Variants in FEM1A observed in about 807,000 individuals in gnomAD.
FEM1A encodes the protein fem-1 homolog A.
Under a neutral mutation model 0.7 loss-of-function variants are expected in FEM1A, and 1 was observed. The ratio of observed to expected loss-of-function variants is 1.35; its 90% CI spans 0.48 to 6.40. The LOEUF is 6.40. FEM1A is among the 30% of genes most tolerant of loss of function. The probability of loss-of-function intolerance (pLI) is 0.14; values close to 1 mark genes in which losing one functional copy is unlikely to be tolerated. For synonymous variants in FEM1A, 391 were observed against 420.6 expected, an observed-to-expected ratio of 0.93 and a Z score of 0.86; for missense variants, 721 against 918.7, an observed-to-expected ratio of 0.78 and a Z score of 2.78.
Position 4,795,403 on chromosome 19 carries a change from G to A in FEM1A, c.*1539G>A, listed in dbSNP as rs2093560050. 1 of 160,556 alleles carries A rather than the reference G, an allele frequency of 6.2e-6. No individual in the cohort carries two copies. Among genetic ancestry groups the A allele is most frequent in the Non-Finnish European group, 1.5e-5 (1 of 66,942 alleles). The allele number at this position is 160,556 out of a possible 1,614,324, so 9.9% of individuals were successfully genotyped here. A position where few individuals can be genotyped will look rare whatever the true frequency, so the allele number is the denominator to read the frequency against. On this transcript the variant is annotated 3_prime_UTR_variant, in exon 1 of 1. Transcript: ENST00000269856. ...ATTTTTTTTTTTTTTTGCCGTGTTAGGAAATTATTTATTAATTTACAAGAC... is the reference window on the plus strand; with the variant it reads ...ATTTTTTTTTTTTTTTGCCGTGTTAAGAAATTATTTATTAATTTACAAGAC...
In FEM1A at chr19:4,792,109, G is replaced by A; in HGVS notation, c.255G>A (p.Pro85=). The part of the protein sequence containing the change: ...HFDGETIEGA[P]PLWAASAAGH... ...ATGGCGAGACCATCGAGGGCGCGCC[G>A]CCGCTGTGGGCCGCCTCCGCAGCCG... The change falls in exon 1 of 1, where the codon CCG becomes CCA. Residue 85 remains proline (P), a synonymous_variant. Coordinates refer to ENST00000269856, the MANE Select transcript of FEM1A (RefSeq NM_018708.3). The surrounding 1 kb of genome is among the most constrained non-coding windows in gnomAD (Gnocchi z 6.7). 1 of 1,522,158 alleles carries A rather than the reference G, an allele frequency of 6.6e-7. No homozygotes were observed. The highest frequency in any genetic ancestry group is 8.8e-7 in the Non-Finnish European group (1 of 1,140,924). The allele number at this position is 1,522,158 out of a possible 1,614,324, so 94.3% of individuals were successfully genotyped here.
In FEM1A at chr19:4,793,193, C is replaced by T. The variant is rs759527444; in HGVS notation, c.1339C>T (p.Gln447Ter). ...SFAELFSYVL[Q>*]DRAAKGSLGT... Reference sequence around the variant, plus strand: ...CGCGGAACTCTTCTCCTACGTGCTTCAGGACCGGGCCGCCAAAGGCAGCCT... The same window carrying T: ...CGCGGAACTCTTCTCCTACGTGCTTTAGGACCGGGCCGCCAAAGGCAGCCT... Residue 447 changes from glutamine to a stop codon, truncating the protein, a stop_gained, in exon 1 of 1, where the codon CAG (glutamine) becomes TAG (stop). Coordinates refer to ENST00000269856, the MANE Select transcript of FEM1A (RefSeq NM_018708.3). LOFTEE classifies it low-confidence loss of function (END_TRUNC). The surrounding 1 kb of genome is among the most constrained non-coding windows in gnomAD (Gnocchi z 5.1). The T allele has an allele frequency of 6.2e-7, 1 of 1,613,524 alleles. No homozygotes were observed. Among genetic ancestry groups the T allele is most frequent in the East Asian group, 2.2e-5 (1 of 44,870 alleles).
rs1168763066 is a variant in FEM1A, at chr19:4,792,209, C to T, written c.355C>T (p.Pro119Ser). 1.3e-6 allele frequency: 2 copies of T among 1,501,326 alleles called. No individual in the cohort carries two copies. The highest frequency in any genetic ancestry group is 2.1e-5 in the Admixed American group (1 of 48,342). The allele number at this position is 1,501,326 out of a possible 1,614,324, so 93.0% of individuals were successfully genotyped here. ...CCGCACCACGCGCACCAACTCCACG[C>T]CTCTCCGCGCCGCCTGCTTCGACGG... ...VNRTTRTNSTPLRAACFDGHL... is the reference protein window; with the variant it reads ...VNRTTRTNSTSLRAACFDGHL... The change falls in exon 1 of 1, where the codon CCT becomes TCT. Residue 119 changes from proline to serine, a missense_variant. By Grantham distance (74) the Pro-to-Ser change is moderately conservative (BLOSUM62 -1). This residue lies in a region of FEM1A where 195 missense variants were observed against 316.9 expected (regional missense o/e 0.62). Transcript: ENST00000269856. The surrounding 1 kb of genome is among the most constrained non-coding windows in gnomAD (Gnocchi z 6.7).
In FEM1A at chr19:4,798,235, AAAAC is replaced by A. The variant is rs558394776; in HGVS notation, c.*4391_*4394del. 9.5e-3 allele frequency: 1,446 copies of A among 151,684 alleles called. 25 individuals carry two copies. Among genetic ancestry groups the A allele is most frequent in the African/African-American group, 0.031 (1,291 of 41,074 alleles). The allele number at this position is 151,684 out of a possible 1,614,324, so 9.4% of individuals were successfully genotyped here. ...GCGACAGAGCGAGACTCCGTCTCAA[AAAAC>A]AAACAAACAAACAAACAAAACAAAG... On this transcript the variant is annotated 3_prime_UTR_variant, in exon 1 of 1. Coordinates refer to ENST00000269856, the MANE Select transcript of FEM1A (RefSeq NM_018708.3).
rs1334675791 is a variant in FEM1A at position 4,797,522 on chromosome 19, T to G, written c.*3658T>G. On this transcript the variant is annotated 3_prime_UTR_variant, in exon 1 of 1. Transcript: ENST00000269856. ...GGCTGATCCAGCAGATCCCAATTAT[T>G]CCTAAAGACCTGGTTGATAGCTCCC... 1.3e-5 allele frequency: 2 copies of G among 151,826 alleles called. No homozygotes were observed. Among genetic ancestry groups the G allele is most frequent in the Non-Finnish European group, 2.9e-5 (2 of 68,018 alleles). The allele number at this position is 151,826 out of a possible 1,614,324, so 9.4% of individuals were successfully genotyped here.
chr19:4,793,796 G>A lies in FEM1A; in HGVS notation c.1942G>A (p.Asp648Asn), dbSNP rs1332097636. 1 of 1,610,942 alleles carries A rather than the reference G, an allele frequency of 6.2e-7. No homozygotes were observed. The highest frequency in any genetic ancestry group is 2.2e-5 in the East Asian group (1 of 44,860). ...TLQCLAARALDKNKIPYKGFI... is the reference protein window; with the variant it reads ...TLQCLAARALNKNKIPYKGFI... ...GCAGTGCCTTGCGGCCCGGGCCCTG[G>A]ATAAGAACAAGATCCCTTACAAGGG... Residue 648 changes from aspartate (D) to asparagine (N), a missense_variant, in exon 1 of 1, where the codon GAT becomes AAT. Physicochemically the swap from Asp to Asn is conservative, Grantham distance 23. Coordinates refer to ENST00000269856, the MANE Select transcript of FEM1A (RefSeq NM_018708.3). The surrounding 1 kb of genome is among the most constrained non-coding windows in gnomAD (Gnocchi z 5.1).
Position 4,793,733 on chromosome 19 carries a change from G to A in FEM1A, c.1879G>A (p.Ala627Thr), listed in dbSNP as rs750495123. ...AYELLDEKLL[A>T]RGTMQPFNYV... Reference sequence around the variant, plus strand: ...CGAGCTGCTGGACGAGAAGCTGCTGGCCAGGGGTACCATGCAGCCCTTCAA... The same window carrying A: ...CGAGCTGCTGGACGAGAAGCTGCTGACCAGGGGTACCATGCAGCCCTTCAA... Residue 627 changes from alanine to threonine, a missense_variant, in exon 1 of 1, where the codon GCC becomes ACC. Around this residue, in one of 4 missense-constraint regions of FEM1A, gnomAD observed 379 missense variants for 454.8 expected, o/e 0.83. Coordinates refer to ENST00000269856, the MANE Select transcript of FEM1A (RefSeq NM_018708.3). The surrounding 1 kb of genome is among the most constrained non-coding windows in gnomAD (Gnocchi z 5.1). 4 of 1,612,702 alleles carry A rather than the reference G, an allele frequency of 2.5e-6. No individual in the cohort carries two copies. The highest frequency in any genetic ancestry group is 2.2e-5 in the South Asian group (2 of 91,052).
rs1377522800 is a variant in FEM1A at position 4,793,721 on chromosome 19, G to A, written c.1867G>A (p.Glu623Lys). Residue 623 changes from glutamate to lysine, a missense_variant, in exon 1 of 1, where the codon GAG (glutamate) becomes AAG (lysine). By Grantham distance (56) the Glu-to-Lys change is moderately conservative. This residue lies in a region of FEM1A where 379 missense variants were observed against 454.8 expected (regional missense o/e 0.83). Coordinates refer to ENST00000269856, the MANE Select transcript of FEM1A (RefSeq NM_018708.3). The surrounding 1 kb of genome is among the most constrained non-coding windows in gnomAD (Gnocchi z 5.1). ...GAAGACGGCCTACGAGCTGCTGGAC[G>A]AGAAGCTGCTGGCCAGGGGTACCAT... Reference protein sequence around the residue: ...FKKTAYELLDEKLLARGTMQP... With the variant: ...FKKTAYELLDKKLLARGTMQP... 1.2e-6 allele frequency: 2 copies of A among 1,612,726 alleles called. No individual in the cohort carries two copies. The highest frequency in any genetic ancestry group is 1.7e-6 in the Non-Finnish European group (2 of 1,179,832).
chr19:4,796,190 T>C lies in FEM1A; in HGVS notation c.*2326T>C, dbSNP rs1971012. ...ACATAGTAAGACCTCTGTCTCTACA[T>C]TTTTTTTTTTTTTTTTTTTGAGATG... On this transcript the variant is annotated 3_prime_UTR_variant, in exon 1 of 1. Coordinates refer to ENST00000269856, the MANE Select transcript of FEM1A (RefSeq NM_018708.3). 4 of 87,214 alleles carry C rather than the reference T, an allele frequency of 4.6e-5. 1 individual carries two copies. In the South Asian group the frequency reaches 1.1e-3, roughly 24 times the overall value. The allele number at this position is 87,214 out of a possible 1,614,324, so 5.4% of individuals were successfully genotyped here.
Position 4,793,364 on chromosome 19 carries a change from C to T in FEM1A, c.1510C>T (p.Leu504=). Residue 504 remains leucine, a synonymous_variant, in exon 1 of 1, where the codon CTG becomes TTG. Coordinates refer to ENST00000269856, the MANE Select transcript of FEM1A (RefSeq NM_018708.3). The surrounding 1 kb of genome is among the most constrained non-coding windows in gnomAD (Gnocchi z 5.1). ...ALAIILHLLY[L]LEKVECTPSQ... ...GGCCATCATCCTCCACCTGCTCTAC[C>T]TGCTGGAGAAAGTGGAGTGCACCCC... 2 of 1,612,416 alleles carry T rather than the reference C, an allele frequency of 1.2e-6. No homozygotes were observed. The highest frequency in any genetic ancestry group is 1.7e-6 in the Non-Finnish European group (2 of 1,179,870).
In FEM1A at chr19:4,792,391, C is replaced by T. The variant is rs371820164; in HGVS notation, c.537C>T (p.Arg179=). Reference sequence around the variant, plus strand: ...AGCAGGGCGCCCAGGTGAACCGGCGCAGCGCCAAGGGCAACACGGCCCTGC... The same window carrying T: ...AGCAGGGCGCCCAGGTGAACCGGCGTAGCGCCAAGGGCAACACGGCCCTGC... The part of the protein sequence containing the change: ...LLEQGAQVNR[R]SAKGNTALHD... The change falls in exon 1 of 1, where the codon CGC becomes CGT. Residue 179 remains arginine (R), a synonymous_variant. Transcript: ENST00000269856. This position sits in a 1 kb window ranked among gnomAD's most constrained non-coding sequence, Gnocchi z 6.7. The T allele has an allele frequency of 1.3e-6, 2 of 1,595,220 alleles. No homozygotes were observed. Among genetic ancestry groups the T allele is most frequent in the African/African-American group, 2.7e-5 (2 of 74,858 alleles).
rs1415951470 is a variant in FEM1A at position 4,795,766 on chromosome 19, C to G, written c.*1902C>G. The G allele has an allele frequency of 6.7e-6, 1 of 149,566 alleles. No individual in the cohort carries two copies. The highest frequency in any genetic ancestry group is 1.5e-5 in the Non-Finnish European group (1 of 67,804). The allele number at this position is 149,566 out of a possible 1,614,324, so 9.3% of individuals were successfully genotyped here. On this transcript the variant is annotated 3_prime_UTR_variant, in exon 1 of 1. Coordinates refer to ENST00000269856, the MANE Select transcript of FEM1A (RefSeq NM_018708.3). ...CCAGGCTGGAGTGCAATGGCGCGAT[C>G]TCAGCTCACTGCAACCTCTGCCTCC...
chr19:4,792,195 G>A lies in FEM1A; in HGVS notation c.341G>A (p.Arg114His). The A allele has an allele frequency of 6.7e-7, 1 of 1,502,376 alleles. No individual in the cohort carries two copies. Among genetic ancestry groups the A allele is most frequent in the Non-Finnish European group, 8.9e-7 (1 of 1,127,226 alleles). The allele number at this position is 1,502,376 out of a possible 1,614,324, so 93.1% of individuals were successfully genotyped here. ...RRGASVNRTT[R>H]TNSTPLRAAC... ...GGGGCCTCGGTGAACCGCACCACGC[G>A]CACCAACTCCACGCCTCTCCGCGCC... Residue 114 changes from arginine to histidine, a missense_variant, in exon 1 of 1, where the codon CGC becomes CAC. Physicochemically the swap from Arg to His is conservative, Grantham distance 29 (BLOSUM62 0). Around this residue, in one of 4 missense-constraint regions of FEM1A, gnomAD observed 195 missense variants for 316.9 expected, o/e 0.62. Coordinates refer to ENST00000269856, the MANE Select transcript of FEM1A (RefSeq NM_018708.3). The surrounding 1 kb of genome is among the most constrained non-coding windows in gnomAD (Gnocchi z 6.7).
rs2093560225 is a variant in FEM1A, at chr19:4,795,561, G to C, written c.*1697G>C. The C allele has an allele frequency of 6.0e-6, 1 of 166,968 alleles. No homozygotes were observed. Among genetic ancestry groups the C allele is most frequent in the Non-Finnish European group, 1.5e-5 (1 of 68,134 alleles). 10.3% of individuals were successfully genotyped at this position (166,968 alleles called of 1,614,324 possible). On this transcript the variant is annotated 3_prime_UTR_variant, in exon 1 of 1. Transcript: ENST00000269856. ...CATTAAAAAGATACTCAAAGAGAAT[G>C]GCCTGCCTGATGCGTCCTTGGCGTG...
In FEM1A at chr19:4,795,016, GTCA is replaced by G. The variant is rs2093559506; in HGVS notation, c.*1157_*1159del. 6.0e-6 allele frequency: 1 copy of G among 167,068 alleles called. No individual in the cohort carries two copies. Among genetic ancestry groups the G allele is most frequent in the African/African-American group, 2.4e-5 (1 of 41,464 alleles). 10.3% of individuals were successfully genotyped at this position (167,068 alleles called of 1,614,324 possible). A position where few individuals can be genotyped will look rare whatever the true frequency, so the allele number is the denominator to read the frequency against. ...AGCTGCTCCAAGGATTGAGACCCAA[GTCA>G]TCATGAAAAAGGCCCAAGTACAGTC... On this transcript the variant is annotated 3_prime_UTR_variant, in exon 1 of 1. Coordinates refer to ENST00000269856, the MANE Select transcript of FEM1A (RefSeq NM_018708.3).
rs527758670 is a variant in FEM1A at position 4,796,991 on chromosome 19, G to A, written c.*3127G>A. The A allele has an allele frequency of 6.6e-5, 10 of 152,246 alleles. No homozygotes were observed. The highest frequency in any genetic ancestry group is 1.9e-4 in the East Asian group (1 of 5,162). 9.4% of individuals were successfully genotyped at this position (152,246 alleles called of 1,614,324 possible). The stretch of plus-strand genomic sequence containing the variant: ...CTGTCTCCTGGGAGACACAGTACTA[G>A]TGAGCATTTATTGAGCACCTACTGT... On this transcript the variant is annotated 3_prime_UTR_variant, in exon 1 of 1. Transcript: ENST00000269856.
rs770012549 is a variant in FEM1A, at chr19:4,793,696, GA to G, written c.1844del (p.Lys615ArgfsTer23). ...AHMDATNAFK[K>X]TAYELLDEKL... ...ACATGGACGCCACCAATGCCTTCAA[GA>G]AGACGGCCTACGAGCTGCTGGACGA... On this transcript the variant is annotated frameshift_variant, in exon 1 of 1. Transcript: ENST00000269856. LOFTEE classifies it low-confidence loss of function (END_TRUNC). This position sits in a 1 kb window ranked among gnomAD's most constrained non-coding sequence, Gnocchi z 5.1. 31 of 1,612,914 alleles carry G rather than the reference GA, an allele frequency of 1.9e-5. No individual in the cohort carries two copies. In the African/African-American group the frequency reaches 2.5e-4, roughly 13 times the overall value.
Position 4,793,078 on chromosome 19 carries a change from C to T in FEM1A, c.1224C>T (p.Arg408=). 1 of 1,613,636 alleles carries T rather than the reference C, an allele frequency of 6.2e-7. No individual in the cohort carries two copies. The highest frequency in any genetic ancestry group is 8.5e-7 in the Non-Finnish European group (1 of 1,180,026). ...AVYADSGNFE[R]CIRLWKYALD... is the part of the protein sequence containing the mutation. ...ACGCCGACTCGGGCAATTTCGAGCG[C>T]TGCATCCGCTTGTGGAAGTACGCCC... Residue 408 remains arginine (R), a synonymous_variant, in exon 1 of 1, where the codon CGC becomes CGT. Transcript: ENST00000269856. This position sits in a 1 kb window ranked among gnomAD's most constrained non-coding sequence, Gnocchi z 5.1.
At position 4,792,740 on chromosome 19, in the gene FEM1A, G is replaced by C; in HGVS notation, c.886G>C (p.Ala296Pro). ...YESCCPTSRE[A>P]AVEALELLGA... ...AAGCTGCTGTCCCACCAGCCGGGAA[G>C]CTGCCGTGGAAGCCTTGGAATTGCT... The change falls in exon 1 of 1, where the codon GCT (alanine) becomes CCT (proline). Residue 296 changes from alanine to proline, a missense_variant. This residue lies in a region of FEM1A where 137 missense variants were observed against 121.7 expected (regional missense o/e 1.13). Coordinates refer to ENST00000269856, the MANE Select transcript of FEM1A (RefSeq NM_018708.3). This position sits in a 1 kb window ranked among gnomAD's most constrained non-coding sequence, Gnocchi z 6.7. The C allele has an allele frequency of 6.2e-7, 1 of 1,612,090 alleles. No individual in the cohort carries two copies. The highest frequency in any genetic ancestry group is 2.2e-5 in the East Asian group (1 of 44,872).
Sources: allele counts gnomAD v4.1 joint callset, GRCh38; gene constraint gnomAD v4.1.1; regional missense constraint gnomAD v4.1.1; non-coding constraint Gnocchi (gnomAD v3.1); transcripts MANE v1.5; gene names NCBI Gene and HGNC (gene_info 2026-07-23, HGNC 2026-07-21).